SHANK2: variants seen among roughly 807,000 people sequenced by gnomAD.
SHANK2 encodes the protein SH3 and multiple ankyrin repeat domains 2.
In SHANK2, 43 loss-of-function variants were observed where a neutral mutation model predicts 133.7. The observed-to-expected ratio is 0.32, with a 90% confidence interval of 0.25 to 0.41. The LOEUF is 0.41. Ranked by LOEUF, SHANK2 falls within the 10% of genes least tolerant of loss-of-function variation. SHANK2 has a pLI of 1.00. For synonymous variants in SHANK2, 1,017 were observed against 952.8 expected (o/e 1.07, Z -1.24); for missense variants, 1,994 against 2,235.8 (o/e 0.89, Z 2.18).
At chr11:71,059,505 G>C (rs1950962039) in intron 9 of SHANK2, among the ~76,000 whole-genome samples, 1 of 152,190 alleles carries the variant, frequency 6.6e-6, no homozygotes, top group East Asian at 1.9e-4. Flanking sequence ...TCTCAATAGA[G>C]GGTCACATAC....
At chr11:70,922,617 T>C (rs1950367213) in intron 10 of SHANK2, among the ~76,000 whole-genome samples, 1 of 152,096 alleles carries the variant, frequency 6.6e-6, no homozygotes. Context: ...CTCACAAAAA[T>C]ATCCTATTAA....
chr11:70,659,513 C>G (rs2061453247), intron 17 of SHANK2, among the ~76,000 whole-genome samples: 1 of 152,200 alleles, frequency 6.6e-6, no homozygotes, highest in South Asian at 2.1e-4. Context: ...AAACCACCCA[C>G]AGGTCTGCAC....
intron 10 of SHANK2, chr11:70,907,909 C>A: frequency 2.2e-6 from 1 of 453,592 alleles, no homozygotes; most frequent in Non-Finnish European, 4.4e-6. Context: ...CGAGACCAGT[C>A]TGGCCAACAT....
intron 9 of SHANK2, among the ~76,000 whole-genome samples, chr11:71,072,117 G>A (rs963481131): frequency 2.4e-4 from 36 of 152,310 alleles, no homozygotes; most frequent in Middle Eastern, 3.4e-3. Flanking sequence ...GAATTCACCT[G>A]ACTTTGAGCA....
Position 71,118,996 on chromosome 11 carries a change from C to G in SHANK2, c.244G>C (p.Val82Leu). 1.3e-6 allele frequency: 2 copies of G among 1,551,740 alleles called. No individual in the cohort carries two copies. Among genetic ancestry groups the G allele is most frequent in the Non-Finnish European group, 1.7e-6 (2 of 1,146,994 alleles). ...IRFNPDATVW[V>L]AKQRILCTLT... is the part of the protein sequence containing the mutation. ...GTACACAGGATCCGCTGCTTTGCAA[C>G]CCACACTGTGGCATCCGGGTTAAAT... is the stretch of plus-strand genomic sequence containing the variant. Residue 82 changes from valine (V) to leucine (L), a missense_variant, in exon 4 of 26, where the codon GTT (valine) becomes CTT (leucine). Val to Leu is a conservative substitution (Grantham distance 32). Transcript: ENST00000601538.
chr11:70,642,771 A>G (rs144167915), intron 17 of SHANK2, among the ~76,000 whole-genome samples: 80 of 152,346 alleles, frequency 5.3e-4, no homozygotes, highest in African/African-American at 1.7e-3. Context: ...CATGCGACTG[A>G]GAATAACGCA....
In SHANK2 at chr11:70,739,708, G is replaced by C. The variant is rs1345275641; in HGVS notation, c.1778-40945C>G. Among the ~76,000 whole-genome samples, 1 of 152,200 alleles carries C rather than the reference G, an allele frequency of 6.6e-6. No homozygotes were observed. Among genetic ancestry groups the C allele is most frequent in the African/African-American group, 2.4e-5 (1 of 41,448 alleles). ...TTCATATGCTGAAAGCCTAACCCCT[G>C]CTCCTCAGAATGTGACTGTATTTGG... On this transcript the variant is annotated intron_variant, in intron 14 of 25. Transcript: ENST00000601538. This position sits in a 1 kb window ranked among gnomAD's most constrained non-coding sequence, Gnocchi z 4.3.
chr11:71,086,454 ATATATAATTATGTAATATATAATTTGT>A (rs1951418509), intron 8 of SHANK2, among the ~76,000 whole-genome samples: 91 of 135,136 alleles, frequency 6.7e-4, no homozygotes, highest in African/African-American at 2.5e-3. Flanking sequence ...ATATTATATT[ATATATAATTATGTAATATATAATTTGT>A]TATATAATTA....
At chr11:71,213,007 G>A (rs782093568) in intron 2 of SHANK2, among the ~76,000 whole-genome samples, 23 of 151,904 alleles carry the variant, frequency 1.5e-4, no homozygotes, top group Middle Eastern at 3.4e-3. Context: ...ACAGGGAGAG[G>A]AGCAGGGACC....
chr11:70,703,260 G>A (rs1332216763), intron 14 of SHANK2, among the ~76,000 whole-genome samples: 1 of 152,350 alleles, frequency 6.6e-6, no homozygotes, highest in Non-Finnish European at 1.5e-5. Flanking sequence ...GGCTCACAGA[G>A]TTTGAGTGAG....
At chr11:70,512,657 C>T (rs2059218675) in intron 17 of SHANK2, among the ~76,000 whole-genome samples, 1 of 152,140 alleles carries the variant, frequency 6.6e-6, no homozygotes, top group African/African-American at 2.4e-5. Flanking sequence ...GAAATATTTC[C>T]TGAAGACTTT....
intron 17 of SHANK2, among the ~76,000 whole-genome samples, chr11:70,533,398 A>G (rs375834011): frequency 6.6e-6 from 1 of 152,072 alleles, no homozygotes; most frequent in African/African-American, 2.4e-5. Context: ...ACTTCTTTTT[A>G]AAAAGACAAT....
intron 9 of SHANK2, among the ~76,000 whole-genome samples, chr11:71,063,716 T>G (rs1007170594): frequency 4.6e-5 from 7 of 152,220 alleles, no homozygotes; most frequent in African/African-American, 1.7e-4. Flanking sequence ...GTCTTTATCC[T>G]TTTAAATAAT....
intron 3 of SHANK2, among the ~76,000 whole-genome samples, chr11:71,124,985 T>C (rs186349622): frequency 6.6e-6 from 1 of 152,316 alleles, no homozygotes; most frequent in East Asian, 1.9e-4. Context: ...CTGTGGTCAG[T>C]GATCTTTGAT....
intron 17 of SHANK2, among the ~76,000 whole-genome samples, chr11:70,575,648 ATG>A (rs1224029723): frequency 2.0e-5 from 3 of 150,068 alleles, no homozygotes; most frequent in African/African-American, 7.3e-5. Context: ...GTGTTTCCAC[ATG>A]TGTTTTGCAA....
At chr11:70,620,615 G>A (rs1241187226) in intron 17 of SHANK2, among the ~76,000 whole-genome samples, 1 of 148,894 alleles carries the variant, frequency 6.7e-6, no homozygotes, top group Non-Finnish European at 1.5e-5. Flanking sequence ...GGAGTCTGTT[G>A]TTACCGTCTG....
chr11:71,187,436 A>C (rs1325853474), intron 2 of SHANK2, among the ~76,000 whole-genome samples: 3 of 151,524 alleles, frequency 2.0e-5, no homozygotes, highest in Non-Finnish European at 4.4e-5. Flanking sequence ...ACAGTTCTTC[A>C]TGGGTTTCTC....
intron 14 of SHANK2, among the ~76,000 whole-genome samples, chr11:70,787,584 T>G (rs1211057832): frequency 6.8e-6 from 1 of 147,880 alleles, no homozygotes; most frequent in Non-Finnish European, 1.5e-5. Context: ...ACCACCAGCA[T>G]CACTACCATC....
intron 17 of SHANK2, among the ~76,000 whole-genome samples, chr11:70,514,387 C>T (rs2135895345): frequency 6.6e-6 from 1 of 152,342 alleles, no homozygotes; most frequent in Non-Finnish European, 1.5e-5. Context: ...GTTCTTCAAG[C>T]TGAAGTGAAG....
Sources: allele counts gnomAD v4.1 joint callset (sites outside exome capture counted in the v4.1 genomes callset), GRCh38; gene constraint gnomAD v4.1.1; non-coding constraint Gnocchi (gnomAD v3.1); transcripts MANE v1.5; gene names NCBI Gene and HGNC (gene_info 2026-07-23, HGNC 2026-07-21).